Variants in TBL1X observed in about 807,000 individuals in gnomAD.
TBL1X encodes transducin beta like 1 X-linked.
Under a neutral mutation model 50.7 loss-of-function variants are expected in TBL1X, and 10 were observed. The ratio of observed to expected loss-of-function variants is 0.20; its 90% CI spans 0.12 to 0.33. The LOEUF (loss-of-function observed/expected upper bound fraction) is 0.33, where lower values mean the gene tolerates loss of function less well. Among genes scored for constraint, TBL1X ranks in the 10% least tolerant of loss-of-function variants. The pLI, the probability that TBL1X is intolerant of heterozygous loss-of-function variation, is 1.00. For synonymous variants in TBL1X, 190 were observed against 214.7 expected, an observed-to-expected ratio of 0.88 and a Z score of 1.01; for missense variants, 340 against 504.4, an observed-to-expected ratio of 0.67 and a Z score of 3.12.
At chrX:9,697,312 C>G (rs1319267586) in intron 11 of TBL1X, 57 bp from the exon 12 acceptor site, 2 of 1,189,045 alleles carry the variant, frequency 1.7e-6, no homozygotes, top group African/African-American at 1.8e-5. Context: ...ATAAATGTTT[C>G]CAGAGAAAAC....
Position 9,715,013 on chromosome X carries a change from A to G in TBL1X, c.1707+10A>G, listed in dbSNP as rs1168602418. On this transcript the variant is annotated intron_variant, in intron 17 of 17. Coordinates refer to ENST00000645353, the MANE Select transcript of TBL1X (RefSeq NM_005647.4). ...CGCGTCCGACGGCTCTGTAAGCAACACCTCTGGTTTGCTGGGGAGTGGGGT... is the reference window on the plus strand; with the variant it reads ...CGCGTCCGACGGCTCTGTAAGCAACGCCTCTGGTTTGCTGGGGAGTGGGGT... The G allele has an allele frequency of 8.3e-7, 1 of 1,201,944 alleles. No individual in the cohort carries two copies. The highest frequency in any genetic ancestry group is 3.0e-5 in the East Asian group (1 of 33,621).
chrX:9,670,777 G>C (rs927857147), intron 5 of TBL1X, among the ~76,000 whole-genome samples: 1 of 112,095 alleles, frequency 8.9e-6, no homozygotes, highest in Non-Finnish European at 1.9e-5. Flanking sequence ...AAAGTTCAGG[G>C]CTTATTGTTC....
At chrX:9,547,036 T>C (rs1445733198) in intron 2 of TBL1X, among the ~76,000 whole-genome samples, 4 of 108,374 alleles carry the variant, frequency 3.7e-5, no homozygotes, top group African/African-American at 1.3e-4. Context: ...GCCAGGATGG[T>C]CTCGATCTCC....
rs753241655 is a variant in TBL1X at position 9,576,598 on chromosome X, T to TAA, written c.-130-63669_-130-63668dup. 2.3e-4 allele frequency among the ~76,000 whole-genome samples: 25 copies of TAA among 108,935 alleles called. No homozygotes were observed. In the East Asian group the frequency reaches 6.5e-3, roughly 28 times the overall value. The allele number at this position is 108,935 out of a possible 115,157, so 94.6% of individuals were successfully genotyped here. A position where few individuals can be genotyped will look rare whatever the true frequency, so the allele number is the denominator to read the frequency against. The stretch of plus-strand genomic sequence containing the variant: ...ACACCTTCTTTCTTGACTTCCTGTT[T>TAA]AAAAAAATTACAGTTCTTAAAATTA... On this transcript the variant is annotated intron_variant, in intron 2 of 17. Coordinates refer to ENST00000645353, the MANE Select transcript of TBL1X (RefSeq NM_005647.4).
At chrX:9,552,375 G>A (rs148974760) in intron 2 of TBL1X, among the ~76,000 whole-genome samples, 1 of 111,627 alleles carries the variant, frequency 9.0e-6, no homozygotes, top group African/African-American at 3.3e-5. Context: ...TGAAATAAGA[G>A]TATAAATTGC....
intron 15 of TBL1X, 34 bp from the exon 16 acceptor site, chrX:9,711,577 G>A: frequency 8.7e-7 from 1 of 1,145,160 alleles, no homozygotes. Context: ...ACCACCGTGT[G>A]TATGTGATTT....
intron 1 of TBL1X, among the ~76,000 whole-genome samples, chrX:9,478,377 C>G (rs928419488): frequency 9.0e-6 from 1 of 111,500 alleles, no homozygotes; most frequent in Admixed American, 9.6e-5. Context: ...GGATCTACCT[C>G]TGCTCTATGG....
chrX:9,563,070 C>T (rs1303216922), intron 2 of TBL1X, among the ~76,000 whole-genome samples: 3 of 112,878 alleles, frequency 2.7e-5, no homozygotes, highest in Non-Finnish European at 3.7e-5. Context: ...GTTCTGGCTT[C>T]TGCCCTACCC....
At chrX:9,585,853 C>A (rs1363722521) in intron 2 of TBL1X, among the ~76,000 whole-genome samples, 1 of 111,989 alleles carries the variant, frequency 8.9e-6, no homozygotes, top group African/African-American at 3.2e-5. Context: ...GGCGCTAGGA[C>A]TTTAACATGT....
intron 2 of TBL1X, among the ~76,000 whole-genome samples, chrX:9,632,636 T>C (rs2082727514): frequency 8.9e-6 from 1 of 112,041 alleles, no homozygotes; most frequent in African/African-American, 3.2e-5. Flanking sequence ...GTTTTATTAA[T>C]GAACACTAAA....
chrX:9,675,986 G>GT (rs1264294717), intron 5 of TBL1X, among the ~76,000 whole-genome samples: 1 of 111,326 alleles, frequency 9.0e-6, no homozygotes, highest in Non-Finnish European at 1.9e-5. Flanking sequence ...TGTGTTGATT[G>GT]TTTAACAATG....
chrX:9,656,565 G>A (rs954097620), intron 5 of TBL1X, among the ~76,000 whole-genome samples: 1 of 113,038 alleles, frequency 8.8e-6, no homozygotes, highest in African/African-American at 3.2e-5. Context: ...CTGAGAGGGA[G>A]AGTTGGAGCA....
intron 13 of TBL1X, among the ~76,000 whole-genome samples, chrX:9,705,887 C>T (rs1010397621): frequency 3.1e-4 from 34 of 111,051 alleles, no homozygotes; most frequent in African/African-American, 1.1e-3. Flanking sequence ...TTAACTGGCT[C>T]ACAGTTCCTT....
At position 9,596,888 on chromosome X, in the gene TBL1X, C is replaced by T. The variant is rs140819993; in HGVS notation, c.-130-43385C>T. ...GGATCCCAGGGAAGCCTTTCTAGGT[C>T]GTGCTGCTTTAATATTATTCTAGAT... On this transcript the variant is annotated intron_variant, in intron 2 of 17. Transcript: ENST00000645353. 5.4e-3 allele frequency among the ~76,000 whole-genome samples: 599 copies of T among 110,928 alleles called. 5 individuals are homozygous for T. The South Asian group carries it at 0.055, about 10-fold the overall frequency.
chrX:9,621,968 T>A (rs189361134), intron 2 of TBL1X, among the ~76,000 whole-genome samples: 1 of 111,917 alleles, frequency 8.9e-6, no homozygotes, highest in Non-Finnish European at 1.9e-5. Flanking sequence ...AAGAAAAAAG[T>A]CCTGTACATT....
At chrX:9,614,989 G>C (rs191635529) in intron 2 of TBL1X, among the ~76,000 whole-genome samples, 28 of 111,488 alleles carry the variant, frequency 2.5e-4, no homozygotes, top group African/African-American at 9.1e-4. Flanking sequence ...TAAGCATTCT[G>C]GGAATACCTG....
At chrX:9,589,988 C>T (rs987523787) in intron 2 of TBL1X, among the ~76,000 whole-genome samples, 1 of 111,670 alleles carries the variant, frequency 9.0e-6, no homozygotes, top group African/African-American at 3.3e-5. Context: ...GCCAAAAATG[C>T]GTAAGAGTCT....
chrX:9,583,531 G>T (rs1601774642), intron 2 of TBL1X, among the ~76,000 whole-genome samples: 1 of 111,372 alleles, frequency 9.0e-6, no homozygotes. Context: ...TGAAAAAGAA[G>T]GTCAATGGCA....
intron 6 of TBL1X, among the ~76,000 whole-genome samples, chrX:9,686,856 T>C (rs994938370): frequency 1.8e-5 from 2 of 112,607 alleles, no homozygotes; most frequent in African/African-American, 6.5e-5. Context: ...TCGGTCACCA[T>C]TGTCCACTCC....
Sources: gnomAD v4.1 joint callset for allele counts (sites outside exome capture counted in the v4.1 genomes callset) on GRCh38, gnomAD v4.1.1 for gene constraint, MANE v1.5 for transcripts, NCBI Gene and HGNC (gene_info 2026-07-23, HGNC 2026-07-21) for gene names.